The following CLCN1 variants were observed in gnomAD, a reference collection of about 807,000 sequenced individuals.
CLCN1 encodes the protein chloride channel protein 1.
In CLCN1, 100 loss-of-function variants were observed where a neutral mutation model predicts 114.5. The observed-to-expected ratio is 0.87, with a 90% confidence interval of 0.74 to 1.03. The LOEUF (loss-of-function observed/expected upper bound fraction) is 1.03. CLCN1 is among the 50% of genes least tolerant of loss of function. The probability of loss-of-function intolerance (pLI) is 0.00; values close to 1 mark genes in which losing one functional copy is unlikely to be tolerated. For synonymous variants in CLCN1, 485 were observed against 487.1 expected (o/e 1.00, Z 0.06); for missense variants, 1,188 against 1,250.0 (o/e 0.95, Z 0.75).
chr7:143,331,444 C>A, intron 9 of CLCN1, 107 bp from the exon 10 acceptor site: 1 of 1,099,958 alleles, frequency 9.1e-7, no homozygotes, highest in Non-Finnish European at 1.4e-6. Flanking sequence ...GGGATGTGGG[C>A]AGATAGGAAA....
Position 143,351,956 on chromosome 7 carries a change from G to C in CLCN1, c.2958G>C (p.Leu986=). 4.3e-6 allele frequency: 7 copies of C among 1,612,660 alleles called. No individual in the cohort carries two copies. The highest frequency in any genetic ancestry group is 5.9e-6 in the Non-Finnish European group (7 of 1,180,026). Reference sequence around the variant, plus strand: ...CAGACGAGGAGGATGAGGATGAACTGATCCTTTGACCCCCTCCCACGACCT... The same window carrying C: ...CAGACGAGGAGGATGAGGATGAACTCATCCTTTGACCCCCTCCCACGACCT... ...RSTDEEDEDE[L]IL is the part of the protein sequence containing the mutation. The change falls in exon 23 of 23, where the codon CTG becomes CTC. Residue 986 remains leucine, a synonymous_variant. Transcript: ENST00000343257.
intron 7 of CLCN1, among the ~76,000 whole-genome samples, chr7:143,328,844 T>C (rs1339252701): frequency 6.6e-6 from 1 of 152,188 alleles, no homozygotes; most frequent in Non-Finnish European, 1.5e-5. Flanking sequence ...TGTTCTCTTC[T>C]GTTCTCTTCT....
chr7:143,345,467 G>A lies in CLCN1; in HGVS notation c.1931-54G>A, dbSNP rs1803204486. 112 of 1,484,156 alleles carry A rather than the reference G, an allele frequency of 7.5e-5. No individual in the cohort carries two copies. In the South Asian group the frequency reaches 1.4e-3, roughly 19 times the overall value. 91.9% of individuals were successfully genotyped at this position (1,484,156 alleles called of 1,614,324 possible). On this transcript the variant is annotated intron_variant, in intron 16 of 22. Coordinates refer to ENST00000343257, the MANE Select transcript of CLCN1 (RefSeq NM_000083.3). Reference sequence around the variant, plus strand: ...TTCCTTCTCAGGAGTGCGGAGCGCGGTGGTGCGAGAGGGCTTGGAGGGGGC... The same window carrying A: ...TTCCTTCTCAGGAGTGCGGAGCGCGATGGTGCGAGAGGGCTTGGAGGGGGC...
chr7:143,350,664 A>T lies in CLCN1; in HGVS notation c.2595+10A>T. The T allele has an allele frequency of 6.2e-7, 1 of 1,609,020 alleles. No homozygotes were observed. Among genetic ancestry groups the T allele is most frequent in the Non-Finnish European group, 8.5e-7 (1 of 1,175,560 alleles). On this transcript the variant is annotated intron_variant, in intron 22 of 22. Coordinates refer to ENST00000343257, the MANE Select transcript of CLCN1 (RefSeq NM_000083.3). This position sits in a 1 kb window ranked among gnomAD's most constrained non-coding sequence, Gnocchi z 5.1. ...CCTGGCCCTGGAGGAGGTAATCACG[A>T]TGTGTCCCATTTGAGCAGCAGGAGG...
intron 12 of CLCN1, among the ~76,000 whole-genome samples, chr7:143,334,428 A>G (rs1305146235): frequency 2.0e-5 from 3 of 152,142 alleles, no homozygotes; most frequent in Non-Finnish European, 4.4e-5. Context: ...CCAGGATATG[A>G]GTCACCAAGT....
intron 8 of CLCN1, 25 bp downstream of exon 8, chr7:143,330,922 G>C: frequency 1.9e-6 from 3 of 1,614,138 alleles, no homozygotes; most frequent in Non-Finnish European, 2.5e-6. Flanking sequence ...CTTGGGTGGA[G>C]GCCATGTGAA....
In CLCN1 at chr7:143,321,362, C is replaced by T. The variant is rs763108596; in HGVS notation, c.434-3C>T. 5.6e-6 allele frequency: 9 copies of T among 1,614,212 alleles called. No individual in the cohort carries two copies. Among genetic ancestry groups the T allele is most frequent in the East Asian group, 2.2e-5 (1 of 44,894 alleles). ...GCCTAACCCCAGGCATGTGTCTCCG[C>T]AGCCTACAAGTGGTCCTACGCGCAG... On this transcript the variant is annotated splice_polypyrimidine_tract_variant and splice_region_variant and intron_variant, in intron 3 of 22. Transcript: ENST00000343257. The surrounding 1 kb of genome is among the most constrained non-coding windows in gnomAD (Gnocchi z 4.2).
In CLCN1 at chr7:143,342,382, A is replaced by T. The variant is rs908274887; in HGVS notation, c.1807A>T (p.Ile603Phe). 20 of 1,614,066 alleles carry T rather than the reference A, an allele frequency of 1.2e-5. No individual in the cohort carries two copies. Among genetic ancestry groups the T allele is most frequent in the Non-Finnish European group, 1.6e-5 (19 of 1,180,030 alleles). Residue 603 changes from isoleucine to phenylalanine, a missense_variant, in exon 16 of 23, where the codon ATC becomes TTC. Physicochemically the swap from Ile to Phe is conservative, Grantham distance 21. Coordinates refer to ENST00000343257, the MANE Select transcript of CLCN1 (RefSeq NM_000083.3). ...TTTCTCCCTCCATAGCAAATATACC[A>T]TCTTTGTTGAGGACATCATGGTACG... is the stretch of plus-strand genomic sequence containing the variant. ...LGWNQLSKYT[I>F]FVEDIMVRDV...
intron 8 of CLCN1, 80 bp downstream of exon 8, chr7:143,330,977 A>C: frequency 6.3e-7 from 1 of 1,597,650 alleles, no homozygotes; most frequent in South Asian, 1.1e-5. Context: ...TCTGTGGGGC[A>C]GTTCAGAAAA....
rs1006811090 is a variant in CLCN1 at position 143,346,552 on chromosome 7, T to C, written c.2285-27T>C. 4 of 1,557,114 alleles carry C rather than the reference T, an allele frequency of 2.6e-6. No homozygotes were observed. In the African/African-American group the frequency reaches 4.1e-5, roughly 16 times the overall value. ...GCCGTTTCCTGTTGCTTTGTGTCCA[T>C]TTCCATCCACTCACCTGTCCTCTCA... On this transcript the variant is annotated intron_variant, in intron 18 of 22. Transcript: ENST00000343257.
In CLCN1 at chr7:143,324,275, C is replaced by A; in HGVS notation, c.775-139C>A. On this transcript the variant is annotated intron_variant, in intron 6 of 22. Coordinates refer to ENST00000343257, the MANE Select transcript of CLCN1 (RefSeq NM_000083.3). The surrounding 1 kb of genome is among the most constrained non-coding windows in gnomAD (Gnocchi z 4.6). ...TGAGTTTCTCTTGGCCTGGGAATCA[C>A]AGGGGACATGGGACCACAAGGACTC... 1.4e-6 allele frequency: 1 copy of A among 728,418 alleles called. No homozygotes were observed. Among genetic ancestry groups the A allele is most frequent in the South Asian group, 1.5e-5 (1 of 68,304 alleles). 45.1% of individuals were successfully genotyped at this position (728,418 alleles called of 1,614,324 possible). A position where few individuals can be genotyped will look rare whatever the true frequency, so the allele number is the denominator to read the frequency against.
In CLCN1 at chr7:143,321,757, T is replaced by C. The variant is rs1428984473; in HGVS notation, c.605T>C (p.Val202Ala). The change falls in exon 5 of 23, where the codon GTC (valine) becomes GCC (alanine). Residue 202 changes from valine (V) to alanine (A), a missense_variant. Transcript: ENST00000343257. This position sits in a 1 kb window ranked among gnomAD's most constrained non-coding sequence, Gnocchi z 4.2. ...ATGAAGACAATACTTCGTGGGGTTG[T>C]CCTGAAGGAATACCTCACAATGAAA... ...PEMKTILRGV[V>A]LKEYLTMKAF... is the part of the protein sequence containing the mutation. The C allele has an allele frequency of 1.9e-6, 3 of 1,614,254 alleles. No homozygotes were observed. The highest frequency in any genetic ancestry group is 1.7e-6 in the Non-Finnish European group (2 of 1,180,038).
Position 143,324,296 on chromosome 7 carries a change from G to T in CLCN1, c.775-118G>T, listed in dbSNP as rs1322028980. The T allele has an allele frequency of 5.2e-6, 4 of 776,532 alleles. No homozygotes were observed. Among genetic ancestry groups the T allele is most frequent in the Admixed American group, 3.8e-5 (2 of 53,138 alleles). 48.1% of individuals were successfully genotyped at this position (776,532 alleles called of 1,614,324 possible). A position where few individuals can be genotyped will look rare whatever the true frequency, so the allele number is the denominator to read the frequency against. ...ATCACAGGGGACATGGGACCACAAG[G>T]ACTCCTTTTGACTTAGGCCTCTCAT... On this transcript the variant is annotated intron_variant, in intron 6 of 22. Coordinates refer to ENST00000343257, the MANE Select transcript of CLCN1 (RefSeq NM_000083.3). The surrounding 1 kb of genome is among the most constrained non-coding windows in gnomAD (Gnocchi z 4.6).
chr7:143,329,855 A>AC (rs369509610), intron 7 of CLCN1, among the ~76,000 whole-genome samples: 8 of 150,990 alleles, frequency 5.3e-5, no homozygotes, highest in East Asian at 1.9e-4. Flanking sequence ...ATTAAAGTCC[A>AC]CCCCCCCTTA....
At chr7:143,327,172 G>A (rs1468319382) in intron 7 of CLCN1, among the ~76,000 whole-genome samples, 1 of 151,992 alleles carries the variant, frequency 6.6e-6, no homozygotes, top group Non-Finnish European at 1.5e-5. Flanking sequence ...CTTGAACCTG[G>A]GAGGTGGAGG....
At position 143,321,234 on chromosome 7, in the gene CLCN1, G is replaced by C; in HGVS notation, c.434-131G>C. Reference sequence around the variant, plus strand: ...AACTCAGGCTTCCCATGTGTCAAATGAGAGCAGCACCATCTCAGAAGGGGC... The same window carrying C: ...AACTCAGGCTTCCCATGTGTCAAATCAGAGCAGCACCATCTCAGAAGGGGC... On this transcript the variant is annotated intron_variant, in intron 3 of 22. Transcript: ENST00000343257. The surrounding 1 kb of genome is among the most constrained non-coding windows in gnomAD (Gnocchi z 4.2). The C allele has an allele frequency of 9.1e-7, 1 of 1,095,442 alleles. No individual in the cohort carries two copies. The highest frequency in any genetic ancestry group is 1.4e-6 in the Non-Finnish European group (1 of 740,580). The allele number at this position is 1,095,442 out of a possible 1,614,324, so 67.9% of individuals were successfully genotyped here.
rs553024061 is a variant in CLCN1, at chr7:143,327,860, G to A, written c.854-2912G>A. ...AGTAGAAGTGAGGTTTTTCCATGTT[G>A]GCCAGGCTGGTCTCAAACTCCCGGC... On this transcript the variant is annotated intron_variant, in intron 7 of 22. Coordinates refer to ENST00000343257, the MANE Select transcript of CLCN1 (RefSeq NM_000083.3). Among the ~76,000 whole-genome samples, 97 of 152,160 alleles carry A rather than the reference G, an allele frequency of 6.4e-4. 1 individual carries two copies. Among genetic ancestry groups the A allele is most frequent in the African/African-American group, 2.3e-3 (95 of 41,516 alleles).
chr7:143,332,699 C>A (rs370472642), intron 11 of CLCN1, 25 bp from the exon 12 acceptor site: 25 of 1,613,494 alleles, frequency 1.5e-5, no homozygotes, highest in Non-Finnish European at 1.9e-5. Flanking sequence ...GGAGAACCCA[C>A]CCTTTCTGCT....
In CLCN1 at chr7:143,341,917, G is replaced by C. The variant is rs374736253; in HGVS notation, c.1583-12G>C. ...AGCCCTAACCTACAGGCGTATTCCT[G>C]TGTCATTCTAGGAGCAGCAGCGCTG... On this transcript the variant is annotated splice_polypyrimidine_tract_variant and intron_variant, in intron 14 of 22. Coordinates refer to ENST00000343257, the MANE Select transcript of CLCN1 (RefSeq NM_000083.3). The C allele has an allele frequency of 1.2e-6, 2 of 1,610,540 alleles. No individual in the cohort carries two copies. The highest frequency in any genetic ancestry group is 3.3e-5 in the Admixed American group (2 of 60,022).
Sources: allele counts gnomAD v4.1 joint callset (sites outside exome capture counted in the v4.1 genomes callset), GRCh38; gene constraint gnomAD v4.1.1; non-coding constraint Gnocchi (gnomAD v3.1); transcripts MANE v1.5; gene names NCBI Gene and HGNC (gene_info 2026-07-23, HGNC 2026-07-21).